Variants in VSIR observed in about 807,000 individuals in gnomAD.
The protein encoded by VSIR is V-set immunoregulatory receptor.
VSIR carries 10 observed loss-of-function variants against 31.0 expected under a neutral mutation model. The ratio of observed to expected loss-of-function variants is 0.32; its 90% CI spans 0.20 to 0.55. The LOEUF (loss-of-function observed/expected upper bound fraction) is 0.55. VSIR is among the 20% of genes least tolerant of loss of function. The pLI is 0.93. For synonymous variants in VSIR, 179 were observed against 180.1 expected (o/e 0.99, Z 0.05); for missense variants, 356 against 416.2 (o/e 0.86, Z 1.26).
At chr10:71,755,744 C>T (rs1287938082) in intron 3 of VSIR, among the ~76,000 whole-genome samples, 2 of 152,182 alleles carry the variant, frequency 1.3e-5, no homozygotes, top group Non-Finnish European at 2.9e-5. Context: ...GAACAGAGTC[C>T]TCATCCCAGC....
chr10:71,759,952 T>TACACACACAC (rs1467012722), intron 3 of VSIR, among the ~76,000 whole-genome samples: 1 of 106,306 alleles, frequency 9.4e-6, no homozygotes, highest in Non-Finnish European at 2.2e-5. Context: ...CACACATATA[T>TACACACACAC]ATACACACAC....
chr10:71,759,944 C>CATATAT (rs1564779409), intron 3 of VSIR, among the ~76,000 whole-genome samples: 1 of 123,820 alleles, frequency 8.1e-6, no homozygotes, highest in Non-Finnish European at 1.8e-5. Context: ...TATACACACA[C>CATATAT]ACATATATAT....
At chr10:71,769,584 A>C (rs4747187) in intron 1 of VSIR, among the ~76,000 whole-genome samples, 74,041 of 151,712 alleles carry the variant, frequency 0.49, 19,073 homozygotes, top group South Asian at 0.66. Flanking sequence ...CATGGAATTA[A>C]CCTTCAGAGG....
Position 71,761,733 on chromosome 10 carries a change from G to A in VSIR, c.376C>T (p.His126Tyr). 6.2e-7 allele frequency: 1 copy of A among 1,614,132 alleles called. No homozygotes were observed. Among genetic ancestry groups the A allele is most frequent in the Non-Finnish European group, 8.5e-7 (1 of 1,180,040 alleles). ...CGCATGGTGATGGAGAAGTTGCCAT[G>A]GTGGTCGGAGGCCGACTCCAGCCCG... ...RHGLESASDHHGNFSITMRNL... is the reference protein window; with the variant it reads ...RHGLESASDHYGNFSITMRNL... The change falls in exon 2 of 7, where the codon CAT (histidine) becomes TAT (tyrosine). Residue 126 changes from histidine to tyrosine, a missense_variant. Physicochemically the swap from His to Tyr is moderately conservative, Grantham distance 83. Around this residue, in one of 2 missense-constraint regions of VSIR, gnomAD observed 166 missense variants for 231.0 expected, o/e 0.72. Coordinates refer to ENST00000394957, the MANE Select transcript of VSIR (RefSeq NM_022153.2).
In VSIR at chr10:71,751,911, C is replaced by T. The variant is rs140530381; in HGVS notation, c.705-50G>A. 6.4e-5 allele frequency: 98 copies of T among 1,520,208 alleles called. No individual in the cohort carries two copies. In the East Asian group the frequency reaches 2.2e-3, roughly 34 times the overall value. The allele number at this position is 1,520,208 out of a possible 1,614,324, so 94.2% of individuals were successfully genotyped here. On this transcript the variant is annotated intron_variant, in intron 5 of 6. Transcript: ENST00000394957. The surrounding 1 kb of genome is among the most constrained non-coding windows in gnomAD (Gnocchi z 4.9). ...TCATCTGTGCTGTCCGGAGCGTGAA[C>T]TCTGCCCTCCCTGCCCCCAGTTTTT...
In VSIR at chr10:71,759,820, T is replaced by TACACACACACACACACAC. The variant is rs1289055534; in HGVS notation, c.568+1030_568+1047dup. On this transcript the variant is annotated intron_variant, in intron 3 of 6. Coordinates refer to ENST00000394957, the MANE Select transcript of VSIR (RefSeq NM_022153.2). ...GAGTGAAACCGTGTTTCAGAAAATATACACACACACACACACACACACACA... is the reference window on the plus strand; with the variant it reads ...GAGTGAAACCGTGTTTCAGAAAATATACACACACACACACACACACACACACACACACACACACACACA... 3.4e-4 allele frequency among the ~76,000 whole-genome samples: 29 copies of TACACACACACACACACAC among 85,348 alleles called. 2 individuals are homozygous for TACACACACACACACACAC. Among genetic ancestry groups the TACACACACACACACACAC allele is most frequent in the Admixed American group, 9.2e-4 (7 of 7,626 alleles). 56.0% of individuals were successfully genotyped at this position (85,348 alleles called of 152,430 possible). A position where few individuals can be genotyped will look rare whatever the true frequency, so the allele number is the denominator to read the frequency against.
intron 4 of VSIR, among the ~76,000 whole-genome samples, chr10:71,753,354 A>G (rs1840055917): frequency 6.6e-6 from 1 of 152,218 alleles, no homozygotes; most frequent in African/African-American, 2.4e-5. Flanking sequence ...TTAAGTATCG[A>G]GCAAAGGTCA....
chr10:71,761,378 C>T (rs1183331330), intron 2 of VSIR, among the ~76,000 whole-genome samples: 1 of 152,180 alleles, frequency 6.6e-6, no homozygotes, highest in Non-Finnish European at 1.5e-5. Context: ...CTCACTGTCA[C>T]AAATGGAGCC....
At chr10:71,772,851 A>C (rs1840718605) in intron 1 of VSIR, among the ~76,000 whole-genome samples, 1 of 152,158 alleles carries the variant, frequency 6.6e-6, no homozygotes. Context: ...CACCGTGACC[A>C]GTGCCCAGTG....
Position 71,751,191 on chromosome 10 carries a change from G to A in VSIR, c.*62C>T, listed in dbSNP as rs957060875. On this transcript the variant is annotated 3_prime_UTR_variant, in exon 7 of 7. Coordinates refer to ENST00000394957, the MANE Select transcript of VSIR (RefSeq NM_022153.2). The surrounding 1 kb of genome is among the most constrained non-coding windows in gnomAD (Gnocchi z 4.9). ...GCCAAGGAGGCCACTCACAGAGCCAGCCCTGGCTCAAATGCACCTGCCCCA... is the reference window on the plus strand; with the variant it reads ...GCCAAGGAGGCCACTCACAGAGCCAACCCTGGCTCAAATGCACCTGCCCCA... The A allele has an allele frequency of 1.1e-5, 17 of 1,563,348 alleles. No individual in the cohort carries two copies. Among genetic ancestry groups the A allele is most frequent in the Non-Finnish European group, 1.5e-5 (17 of 1,148,842 alleles).
intron 3 of VSIR, among the ~76,000 whole-genome samples, chr10:71,759,877 A>G (rs1425238708): frequency 1.3e-5 from 1 of 74,116 alleles, no homozygotes; most frequent in African/African-American, 3.8e-5. Context: ...ATATATACAC[A>G]CACACACATA....
At position 71,755,519 on chromosome 10, in the gene VSIR, T is replaced by C. The variant is rs1840118319; in HGVS notation, c.569-53A>G. On this transcript the variant is annotated intron_variant, in intron 3 of 6. Transcript: ENST00000394957. ...GAAGCCCCATTCCCATTGCTCCTCC[T>C]GAGCATAAACTGAGGCTCAGAGAGG... is the stretch of plus-strand genomic sequence containing the variant. 23 of 1,511,270 alleles carry C rather than the reference T, an allele frequency of 1.5e-5. No homozygotes were observed. The South Asian group carries it at 2.6e-4, about 17-fold the overall frequency. The allele number at this position is 1,511,270 out of a possible 1,614,324, so 93.6% of individuals were successfully genotyped here. A position where few individuals can be genotyped will look rare whatever the true frequency, so the allele number is the denominator to read the frequency against.
chr10:71,765,136 T>C (rs1840502319), intron 1 of VSIR, among the ~76,000 whole-genome samples: 1 of 152,224 alleles, frequency 6.6e-6, no homozygotes, highest in East Asian at 1.9e-4. Flanking sequence ...GGGGGCCCTG[T>C]GCTGCCCCCT....
At chr10:71,772,866 C>T (rs891725054) in intron 1 of VSIR, among the ~76,000 whole-genome samples, 1 of 152,164 alleles carries the variant, frequency 6.6e-6, no homozygotes, top group Non-Finnish European at 1.5e-5. Flanking sequence ...CCAGTGCCCA[C>T]CAAGGCTCAG....
At position 71,770,043 on chromosome 10, in the gene VSIR, G is replaced by A. The variant is rs185040842; in HGVS notation, c.82+3315C>T. Among the ~76,000 whole-genome samples, 26 of 152,316 alleles carry A rather than the reference G, an allele frequency of 1.7e-4. No homozygotes were observed. The East Asian group carries it at 1.9e-3, about 11-fold the overall frequency. On this transcript the variant is annotated intron_variant, in intron 1 of 6. Transcript: ENST00000394957. ...TACAGGGGCTCACAGGTAGCTGGAC[G>A]CAGCCCATGCACCCTTCATACTCCA...
rs1839926404 is a variant in VSIR, at chr10:71,749,056, A to G, written c.*2197T>C. On this transcript the variant is annotated 3_prime_UTR_variant, in exon 7 of 7. Transcript: ENST00000394957. ...TGCTGCGGGCCGCCTCCCTCTCCAC[A>G]CAGCAGCAGCCAGGCCTGGGGTCTG... 1 of 152,388 alleles carries G rather than the reference A, an allele frequency of 6.6e-6. No individual in the cohort carries two copies. Among genetic ancestry groups the G allele is most frequent in the Admixed American group, 6.5e-5 (1 of 15,284 alleles). The allele number at this position is 152,388 out of a possible 1,614,324, so 9.4% of individuals were successfully genotyped here.
chr10:71,751,527 C>T lies in VSIR; in HGVS notation c.898+141G>A, dbSNP rs1840002216. On this transcript the variant is annotated intron_variant, in intron 6 of 6. Coordinates refer to ENST00000394957, the MANE Select transcript of VSIR (RefSeq NM_022153.2). This position sits in a 1 kb window ranked among gnomAD's most constrained non-coding sequence, Gnocchi z 4.9. Reference sequence around the variant, plus strand: ...AACTCTTCAGGGAGGTGAATGGGGGCCCCTCTGTCCCTCACCCTCAACCCC... The same window carrying T: ...AACTCTTCAGGGAGGTGAATGGGGGTCCCTCTGTCCCTCACCCTCAACCCC... 1.7e-6 allele frequency: 1 copy of T among 598,368 alleles called. No homozygotes were observed. Among genetic ancestry groups the T allele is most frequent in the Non-Finnish European group, 2.9e-6 (1 of 346,752 alleles). The allele number at this position is 598,368 out of a possible 1,614,324, so 37.1% of individuals were successfully genotyped here.
At position 71,748,118 on chromosome 10, in the gene VSIR, C is replaced by T. The variant is rs1489037303; in HGVS notation, c.*3135G>A. 1 of 152,158 alleles carries T rather than the reference C, an allele frequency of 6.6e-6. No homozygotes were observed. The highest frequency in any genetic ancestry group is 1.5e-5 in the Non-Finnish European group (1 of 68,056). The allele number at this position is 152,158 out of a possible 1,614,324, so 9.4% of individuals were successfully genotyped here. A position where few individuals can be genotyped will look rare whatever the true frequency, so the allele number is the denominator to read the frequency against. On this transcript the variant is annotated 3_prime_UTR_variant, in exon 7 of 7. Coordinates refer to ENST00000394957, the MANE Select transcript of VSIR (RefSeq NM_022153.2). ...ACAGTCAGGCCAGCCCTGGGGAAGG[C>T]CTCATTCATGAGGCAGGACCCCAGG...
Position 71,755,408 on chromosome 10 carries a change from G to C in VSIR, c.627C>G (p.Pro209=), listed in dbSNP as rs532573229. 7 of 1,613,580 alleles carry C rather than the reference G, an allele frequency of 4.3e-6. No homozygotes were observed. In the East Asian group the frequency reaches 6.7e-5, roughly 15 times the overall value. ...GCTTGTAGACCAGGAGCAGGATGAGGGGGAGGCAGAGGATTCCTACGATGC... is the reference window on the plus strand; with the variant it reads ...GCTTGTAGACCAGGAGCAGGATGAGCGGGAGGCAGAGGATTCCTACGATGC... ...GACIVGILCL[P]LILLLVYKQR... is the part of the protein sequence containing the mutation. The change falls in exon 4 of 7, where the codon CCC becomes CCG. Residue 209 remains proline, a synonymous_variant. Transcript: ENST00000394957.
Sources: gnomAD v4.1 joint callset for allele counts (sites outside exome capture counted in the v4.1 genomes callset) on GRCh38, gnomAD v4.1.1 for gene constraint, gnomAD v4.1.1 regional missense constraint, Gnocchi (gnomAD v3.1) non-coding constraint, MANE v1.5 for transcripts, NCBI Gene and HGNC (gene_info 2026-07-23, HGNC 2026-07-21) for gene names.